The following ODAD2 variants were observed in gnomAD, a reference collection of about 807,000 sequenced individuals.
ODAD2 encodes the protein outer dynein arm docking complex subunit 2, also known as outer dynein arm-docking complex subunit 2.
Under a neutral mutation model 106.8 loss-of-function variants are expected in ODAD2, and 89 were observed. That is an observed-to-expected ratio of 0.83 (90% confidence interval 0.70 to 0.99). The LOEUF (loss-of-function observed/expected upper bound fraction) is 0.99. Ranked by LOEUF, ODAD2 falls within the 50% of genes least tolerant of loss-of-function variation. ODAD2 has a pLI of 0.00. For missense variants in ODAD2, 1,168 were observed against 1,238.5 expected, an observed-to-expected ratio of 0.94 and a Z score of 0.85; for synonymous variants, 404 against 436.2, an observed-to-expected ratio of 0.93 and a Z score of 0.92.
At chr10:27,954,173 A>G (rs1215558768) in intron 10 of ODAD2, among the ~76,000 whole-genome samples, 1 of 152,190 alleles carries the variant, frequency 6.6e-6, no homozygotes, top group Non-Finnish European at 1.5e-5. Flanking sequence ...GTAACAGGCC[A>G]TGAGTGTGTG....
At chr10:27,820,610 T>C (rs1836525371) in intron 19 of ODAD2, among the ~76,000 whole-genome samples, 1 of 152,052 alleles carries the variant, frequency 6.6e-6, no homozygotes, top group Non-Finnish European at 1.5e-5. Flanking sequence ...ATTAAATTTT[T>C]CTTTACCTGA....
intron 19 of ODAD2, among the ~76,000 whole-genome samples, chr10:27,855,083 T>C (rs1839566561): frequency 3.3e-5 from 5 of 152,154 alleles, no homozygotes; most frequent in Admixed American, 3.3e-4. Context: ...GGTTTGGTAA[T>C]AGTTTCATGT....
intron 10 of ODAD2, among the ~76,000 whole-genome samples, chr10:27,955,220 A>G (rs1368465478): frequency 2.6e-5 from 4 of 152,152 alleles, no homozygotes; most frequent in Admixed American, 6.5e-5. Context: ...ACTCTGTGCC[A>G]TCACATTCTT....
At position 27,812,405 on chromosome 10, in the gene ODAD2, T is replaced by C; in HGVS notation, c.*107A>G. On this transcript the variant is annotated 3_prime_UTR_variant, in exon 20 of 20. Coordinates refer to ENST00000305242, the MANE Select transcript of ODAD2 (RefSeq NM_018076.5). ...AATTTGTGTGTTTTCATTTAGATGG[T>C]TGAAAGGGTTTGCTAACAACTGTTT... The C allele has an allele frequency of 1.0e-6, 1 of 990,658 alleles. No homozygotes were observed. Among genetic ancestry groups the C allele is most frequent in the Non-Finnish European group, 1.5e-6 (1 of 672,426 alleles). 61.4% of individuals were successfully genotyped at this position (990,658 alleles called of 1,614,324 possible). A position where few individuals can be genotyped will look rare whatever the true frequency, so the allele number is the denominator to read the frequency against.
chr10:27,816,894 C>T (rs1482782352), intron 19 of ODAD2, among the ~76,000 whole-genome samples: 6 of 152,152 alleles, frequency 3.9e-5, no homozygotes, highest in South Asian at 2.1e-4. Context: ...GGATTACAGG[C>T]GTGTGGCACC....
chr10:27,956,158 T>A (rs1367604816), intron 10 of ODAD2, among the ~76,000 whole-genome samples: 3 of 152,160 alleles, frequency 2.0e-5, no homozygotes, highest in Non-Finnish European at 2.9e-5. Context: ...GGGGCAAGGA[T>A]GAATGTGTAG....
At chr10:27,836,730 TAC>T (rs1837919788) in intron 19 of ODAD2, among the ~76,000 whole-genome samples, 1 of 152,154 alleles carries the variant, frequency 6.6e-6, no homozygotes, top group Non-Finnish European at 1.5e-5. Context: ...ATACGAAAAA[TAC>T]ACTTAAGCCA....
intron 19 of ODAD2, among the ~76,000 whole-genome samples, chr10:27,817,799 C>G (rs1235545015): frequency 6.6e-6 from 1 of 152,106 alleles, no homozygotes; most frequent in East Asian, 1.9e-4. Context: ...AATACACATA[C>G]AAGTGCAGGT....
In ODAD2 at chr10:27,985,428, A is replaced by T. The variant is rs187412951; in HGVS notation, c.383-217T>A. Among the ~76,000 whole-genome samples, 309 of 152,332 alleles carry T rather than the reference A, an allele frequency of 2.0e-3. 2 individuals are homozygous for T. Among genetic ancestry groups the T allele is most frequent in the African/African-American group, 7.1e-3 (296 of 41,586 alleles). On this transcript the variant is annotated intron_variant, in intron 3 of 19. Transcript: ENST00000305242. ...CACGAGATGCTCTAGTTTGTATTGT[A>T]ACATCATCTATATATCTCCCTAATA...
intron 16 of ODAD2, among the ~76,000 whole-genome samples, chr10:27,928,472 G>A (rs937356816): frequency 3.9e-5 from 6 of 151,986 alleles, no homozygotes; most frequent in Non-Finnish European, 5.9e-5. Context: ...AACCTTCAAT[G>A]ATCCTCGACT....
intron 3 of ODAD2, among the ~76,000 whole-genome samples, chr10:27,985,786 A>G (rs1313358869): frequency 1.3e-5 from 2 of 150,412 alleles, no homozygotes; most frequent in Non-Finnish European, 3.0e-5. Flanking sequence ...CATAATATAT[A>G]CATAATTTAA....
rs370340992 is a variant in ODAD2, at chr10:27,904,327, G to A, written c.2610+3336C>T. Reference sequence around the variant, plus strand: ...GCTGTGTATGCGCGGGGAACATGGCGTCATGGCAGGAAGCAGAGCGGGAAT... The same window carrying A: ...GCTGTGTATGCGCGGGGAACATGGCATCATGGCAGGAAGCAGAGCGGGAAT... On this transcript the variant is annotated intron_variant, in intron 17 of 19. Coordinates refer to ENST00000305242, the MANE Select transcript of ODAD2 (RefSeq NM_018076.5). 1.8e-3 allele frequency: 565 copies of A among 317,536 alleles called. 1 individual carries two copies. The highest frequency in any genetic ancestry group is 0.011 in the African/African-American group (529 of 46,198). The allele number at this position is 317,536 out of a possible 1,614,324, so 19.7% of individuals were successfully genotyped here. A position where few individuals can be genotyped will look rare whatever the true frequency, so the allele number is the denominator to read the frequency against.
At chr10:27,827,312 A>C (rs1837122258) in intron 19 of ODAD2, among the ~76,000 whole-genome samples, 1 of 150,676 alleles carries the variant, frequency 6.6e-6, no homozygotes. Flanking sequence ...TTCATGAACT[A>C]CTGCTCTCAA....
chr10:27,860,666 C>T lies in ODAD2; in HGVS notation c.2980G>A (p.Ala994Thr), dbSNP rs369022423. ...TCATGCATGGTGATGCAGTTATCGG[C>T]GTCTTCTGAGAGTTGGTACAAGGCC... Reference protein sequence around the residue: ...AQALYQLSEDADNCITMHENG... With the variant: ...AQALYQLSEDTDNCITMHENG... Residue 994 changes from alanine (A) to threonine (T), a missense_variant, in exon 19 of 20, where the codon GCC (alanine) becomes ACC (threonine). By Grantham distance (58) the Ala-to-Thr change is moderately conservative. This residue lies in a region of ODAD2 where 701 missense variants were observed against 712.3 expected (regional missense o/e 0.98). Transcript: ENST00000305242. 1.0e-4 allele frequency: 162 copies of T among 1,613,946 alleles called. No individual in the cohort carries two copies. Among genetic ancestry groups the T allele is most frequent in the Admixed American group, 1.5e-4 (9 of 59,980 alleles).
At position 27,949,824 on chromosome 10, in the gene ODAD2, G is replaced by A. The variant is rs143631008; in HGVS notation, c.1387-4862C>T. On this transcript the variant is annotated intron_variant, in intron 10 of 19. Transcript: ENST00000305242. Reference sequence around the variant, plus strand: ...CAGAGAATAGAAGTAACTTGGAGTAGGAGGGGAGGGTGACTCATCACGAAC... The same window carrying A: ...CAGAGAATAGAAGTAACTTGGAGTAAGAGGGGAGGGTGACTCATCACGAAC... Among the ~76,000 whole-genome samples, 427 of 152,306 alleles carry A rather than the reference G, an allele frequency of 2.8e-3. 2 individuals are homozygous for A. The highest frequency in any genetic ancestry group is 4.4e-3 in the Non-Finnish European group (296 of 68,026).
chr10:27,983,811 G>A (rs1156415012), intron 6 of ODAD2, 32 bp downstream of exon 6: 2 of 1,604,060 alleles, frequency 1.2e-6, no homozygotes, highest in East Asian at 2.2e-5. Flanking sequence ...AAAGTCCACT[G>A]GCTTTAGTTA....
intron 19 of ODAD2, among the ~76,000 whole-genome samples, chr10:27,844,802 A>C (rs545502082): frequency 1.3e-5 from 2 of 152,274 alleles, no homozygotes; most frequent in South Asian, 4.1e-4. Flanking sequence ...TTTCTTTTTC[A>C]TTTCTTCTCA....
chr10:27,977,668 C>T (rs1263857865), intron 7 of ODAD2, among the ~76,000 whole-genome samples: 1 of 151,924 alleles, frequency 6.6e-6, no homozygotes, highest in Non-Finnish European at 1.5e-5. Context: ...AAGCCAAGAA[C>T]ATATATAAAG....
chr10:27,855,315 C>A lies in ODAD2; in HGVS notation c.3021+5310G>T, dbSNP rs575435048. Among the ~76,000 whole-genome samples the A allele has an allele frequency of 2.0e-5, 3 of 152,298 alleles. No homozygotes were observed. The East Asian group carries it at 5.8e-4, about 29-fold the overall frequency. ...CTTCAGTAATCATGAACTTCTTTCT[C>A]ACTTTACAGGAGAAATACAAATAAA... On this transcript the variant is annotated intron_variant, in intron 19 of 19. Transcript: ENST00000305242.
Sources: allele counts gnomAD v4.1 joint callset (sites outside exome capture counted in the v4.1 genomes callset), GRCh38; gene constraint gnomAD v4.1.1; regional missense constraint gnomAD v4.1.1; transcripts MANE v1.5; gene names NCBI Gene and HGNC (gene_info 2026-07-23, HGNC 2026-07-21).